Variants in ARHGAP32 observed in about 807,000 individuals in gnomAD.
ARHGAP32 encodes rho GTPase-activating protein 32.
A neutral mutation model predicts 186.5 loss-of-function variants in ARHGAP32; 51 were observed. The observed-to-expected ratio is 0.27, with a 90% CI of 0.22 to 0.35. ARHGAP32 has a LOEUF of 0.35. Among genes scored for constraint, ARHGAP32 ranks in the 10% least tolerant of loss-of-function variants. The pLI, the probability that ARHGAP32 is intolerant of heterozygous loss-of-function variation, is 1.00. For missense variants in ARHGAP32, 2,186 were observed against 2,623.5 expected, an observed-to-expected ratio of 0.83 and a Z score of 3.64; for synonymous variants, 950 against 964.3, an observed-to-expected ratio of 0.99 and a Z score of 0.27.
chr11:129,111,137 G>A (rs1246391474), intron 5 of ARHGAP32, among the ~76,000 whole-genome samples: 3 of 152,144 alleles, frequency 2.0e-5, no homozygotes, highest in Non-Finnish European at 4.4e-5. Flanking sequence ...TATCATGAAG[G>A]ATTGTTGAAT....
At chr11:129,262,387 CTT>C (rs796171922) in intron 1 of ARHGAP32, among the ~76,000 whole-genome samples, 11 of 144,350 alleles carry the variant, frequency 7.6e-5, no homozygotes, top group Non-Finnish European at 6.1e-5. Context: ...GCAAAAGCTA[CTT>C]TTTTTTTTTT....
At chr11:129,009,966 C>T (rs1380926363) in intron 11 of ARHGAP32, among the ~76,000 whole-genome samples, 1 of 152,166 alleles carries the variant, frequency 6.6e-6, no homozygotes, top group Non-Finnish European at 1.5e-5. Flanking sequence ...TTCTCTGCAA[C>T]CTTGTCAGCA....
chr11:129,243,547 C>T (rs1413612052), intron 1 of ARHGAP32, among the ~76,000 whole-genome samples: 1 of 152,152 alleles, frequency 6.6e-6, no homozygotes, highest in East Asian at 1.9e-4. Context: ...TGCAGATATT[C>T]CATCTTCCTA....
At chr11:129,095,430 C>A (rs1173366098) in intron 5 of ARHGAP32, among the ~76,000 whole-genome samples, 2 of 152,212 alleles carry the variant, frequency 1.3e-5, no homozygotes, top group Non-Finnish European at 2.9e-5. Context: ...AGAGTTGACA[C>A]TCACCCATCA....
chr11:129,072,958 G>A (rs1940917087), intron 6 of ARHGAP32, among the ~76,000 whole-genome samples: 1 of 152,146 alleles, frequency 6.6e-6, no homozygotes, highest in Non-Finnish European at 1.5e-5. Context: ...TTCCACTGGG[G>A]AGAAGAGGAA....
chr11:129,235,457 G>A (rs1380392320), intron 1 of ARHGAP32, among the ~76,000 whole-genome samples: 1 of 152,170 alleles, frequency 6.6e-6, no homozygotes, highest in Non-Finnish European at 1.5e-5. Flanking sequence ...TGTAGCAAAA[G>A]TAAGTTTGCA....
chr11:129,036,380 CAA>C (rs58678377), intron 11 of ARHGAP32, among the ~76,000 whole-genome samples: 5 of 98,684 alleles, frequency 5.1e-5, no homozygotes, highest in African/African-American at 1.8e-4. Context: ...AACTCCGTCT[CAA>C]AAAAAAAAAA....
intron 11 of ARHGAP32, among the ~76,000 whole-genome samples, chr11:129,022,442 T>C (rs911061276): frequency 6.6e-6 from 1 of 151,898 alleles, no homozygotes; most frequent in Non-Finnish European, 1.5e-5. Flanking sequence ...TGACAATGAG[T>C]TCTTGTTAAA....
At position 128,965,085 on chromosome 11, in the gene ARHGAP32, T is replaced by C. The variant is rs989166715; in HGVS notation, c.*3822A>G. 2 of 152,190 alleles carry C rather than the reference T, an allele frequency of 1.3e-5. No individual in the cohort carries two copies. Among genetic ancestry groups the C allele is most frequent in the Admixed American group, 6.5e-5 (1 of 15,276 alleles). The allele number at this position is 152,190 out of a possible 1,614,324, so 9.4% of individuals were successfully genotyped here. ...TCTGTTTTAACCTGAAATAATTCTG[T>C]TGATATTTGAATCACTTTCAGTGGG... On this transcript the variant is annotated 3_prime_UTR_variant, in exon 23 of 23. Transcript: ENST00000682385.
At chr11:129,129,152 G>A (rs920160756) in intron 2 of ARHGAP32, among the ~76,000 whole-genome samples, 2 of 147,636 alleles carry the variant, frequency 1.4e-5, no homozygotes, top group African/African-American at 2.5e-5. Flanking sequence ...GTCTCTGCCC[G>A]GCCGCCCCGT....
At chr11:129,092,674 A>C (rs1941611908) in intron 6 of ARHGAP32, among the ~76,000 whole-genome samples, 1 of 152,038 alleles carries the variant, frequency 6.6e-6, no homozygotes, top group Non-Finnish European at 1.5e-5. Context: ...AACGCACTTA[A>C]TTCTGGTAAG....
chr11:129,034,564 C>A (rs1340010091), intron 11 of ARHGAP32, among the ~76,000 whole-genome samples: 1 of 151,756 alleles, frequency 6.6e-6, no homozygotes, highest in African/African-American at 2.4e-5. Context: ...GGAATTCCAG[C>A]ATAGCAATTA....
At chr11:129,005,535 C>A (rs1937717058) in intron 11 of ARHGAP32, among the ~76,000 whole-genome samples, 1 of 152,126 alleles carries the variant, frequency 6.6e-6, no homozygotes, top group South Asian at 2.1e-4. Context: ...TACTCTAGGG[C>A]AAAGTTTTTT....
chr11:129,067,164 T>C (rs1940720566), intron 6 of ARHGAP32, among the ~76,000 whole-genome samples: 2 of 152,076 alleles, frequency 1.3e-5, no homozygotes, highest in Admixed American at 6.6e-5. Context: ...AAATAACATG[T>C]GATTTTAAAT....
intron 5 of ARHGAP32, among the ~76,000 whole-genome samples, chr11:129,106,527 G>A (rs1023682008): frequency 1.3e-5 from 2 of 151,846 alleles, no homozygotes; most frequent in Non-Finnish European, 2.9e-5. Context: ...ACTAGATAGG[G>A]GAGGGTGGCA....
chr11:129,037,469 G>A (rs956392337), intron 11 of ARHGAP32, among the ~76,000 whole-genome samples: 1 of 151,380 alleles, frequency 6.6e-6, no homozygotes, highest in Non-Finnish European at 1.5e-5. Context: ...CTCCAGCCTG[G>A]GCAACAAAGC....
At chr11:129,046,819 G>A (rs1252630800) in intron 10 of ARHGAP32, among the ~76,000 whole-genome samples, 3 of 151,798 alleles carry the variant, frequency 2.0e-5, no homozygotes, top group African/African-American at 7.3e-5. Flanking sequence ...TGTGCTTATC[G>A]CTGACTTAAA....
chr11:129,192,005 G>A lies in ARHGAP32; in HGVS notation c.116+78C>T, dbSNP rs536083256. On this transcript the variant is annotated intron_variant, in intron 1 of 22. Transcript: ENST00000682385. ...AGAAAGTCTTATTGGAAAAAAGACC[G>A]AAATGCAGAGAAGAAAAAGGGGTGC... is the stretch of plus-strand genomic sequence containing the variant. The A allele has an allele frequency of 4.9e-5, 53 of 1,082,950 alleles. No homozygotes were observed. In the South Asian group the frequency reaches 5.6e-4, roughly 11 times the overall value. 67.1% of individuals were successfully genotyped at this position (1,082,950 alleles called of 1,614,324 possible). A position where few individuals can be genotyped will look rare whatever the true frequency, so the allele number is the denominator to read the frequency against.
At chr11:128,977,882 T>C (rs1432877072) in intron 19 of ARHGAP32, among the ~76,000 whole-genome samples, 2 of 147,902 alleles carry the variant, frequency 1.4e-5, no homozygotes, top group Non-Finnish European at 1.5e-5. Context: ...ATTATTATTA[T>C]TATTATTATT....
Sources: gnomAD v4.1 joint callset for allele counts (sites outside exome capture counted in the v4.1 genomes callset) on GRCh38, gnomAD v4.1.1 for gene constraint, MANE v1.5 for transcripts, NCBI Gene and HGNC (gene_info 2026-07-23, HGNC 2026-07-21) for gene names.